DLC1: variants seen among roughly 807,000 people sequenced by gnomAD.
DLC1 encodes the protein DLC1 Rho GTPase activating protein.
Under a neutral mutation model 140.3 loss-of-function variants are expected in DLC1, and 54 were observed. That is an observed-to-expected ratio of 0.38 (90% confidence interval 0.31 to 0.48). DLC1 has a LOEUF of 0.48. Ranked by LOEUF, DLC1 falls within the 20% of genes least tolerant of loss-of-function variation. The pLI is 0.96. For missense variants in DLC1, 2,536 were observed against 1,907.0 expected, an observed-to-expected ratio of 1.33 and a Z score of -6.14; for synonymous variants, 986 against 728.1, an observed-to-expected ratio of 1.35 and a Z score of -5.70.
chr8:13,311,016 C>A (rs1180787185), intron 4 of DLC1, among the ~76,000 whole-genome samples: 1 of 152,078 alleles, frequency 6.6e-6, no homozygotes, highest in Non-Finnish European at 1.5e-5. Flanking sequence ...AAATAATAGA[C>A]ATGCATACAT....
At chr8:13,225,632 T>A (rs1400915335) in intron 5 of DLC1, among the ~76,000 whole-genome samples, 1 of 149,032 alleles carries the variant, frequency 6.7e-6, no homozygotes, top group East Asian at 1.9e-4. Flanking sequence ...TTTTTTTTTT[T>A]TGAGATGGAG....
intron 1 of DLC1, among the ~76,000 whole-genome samples, chr8:13,539,224 G>C (rs1050249022): frequency 2.1e-5 from 3 of 145,852 alleles, no homozygotes; most frequent in African/African-American, 7.9e-5. Flanking sequence ...TTTTGACACA[G>C]AGTCTCGCTC....
intron 2 of DLC1, among the ~76,000 whole-genome samples, chr8:13,468,571 T>C (rs1306291775): frequency 6.6e-6 from 1 of 151,636 alleles, no homozygotes; most frequent in Non-Finnish European, 1.5e-5. Context: ...GATGGGGTAT[T>C]ACTATGTTGC....
At chr8:13,587,694 A>G (rs1227962678) in intron 1 of DLC1, among the ~76,000 whole-genome samples, 1 of 150,542 alleles carries the variant, frequency 6.6e-6, no homozygotes, top group African/African-American at 2.4e-5. Context: ...TTAATCCATA[A>G]GTTCTGTTTA....
At chr8:13,345,110 G>A (rs1834266734) in intron 4 of DLC1, among the ~76,000 whole-genome samples, 1 of 152,120 alleles carries the variant, frequency 6.6e-6, no homozygotes, top group Non-Finnish European at 1.5e-5. Context: ...GACGAGGATT[G>A]TAATACTTTG....
chr8:13,256,871 C>A (rs540027067), intron 5 of DLC1, among the ~76,000 whole-genome samples: 8 of 145,200 alleles, frequency 5.5e-5, no homozygotes, highest in Non-Finnish European at 9.0e-5. Context: ...CACATGTATC[C>A]CAGAACTTAA....
intron 5 of DLC1, among the ~76,000 whole-genome samples, chr8:13,272,033 A>T (rs2117385151): frequency 6.6e-6 from 1 of 152,352 alleles, no homozygotes; most frequent in African/African-American, 2.4e-5. Context: ...AGGTGGAGGC[A>T]TTTAGACTTT....
chr8:13,428,237 G>T (rs927200344), intron 2 of DLC1, among the ~76,000 whole-genome samples: 2 of 152,178 alleles, frequency 1.3e-5, no homozygotes, highest in African/African-American at 4.8e-5. Context: ...GGCAAGAGAC[G>T]CTGTGTGCCC....
At chr8:13,584,847 G>T (rs146410465) in intron 1 of DLC1, among the ~76,000 whole-genome samples, 1 of 151,996 alleles carries the variant, frequency 6.6e-6, no homozygotes, top group Middle Eastern at 3.2e-3. Flanking sequence ...TCTTTCTCCC[G>T]CAATAGGTCT....
chr8:13,156,111 G>A (rs1037928395), intron 5 of DLC1, among the ~76,000 whole-genome samples: 1 of 152,158 alleles, frequency 6.6e-6, no homozygotes, highest in Non-Finnish European at 1.5e-5. Flanking sequence ...CAGCAAAGAT[G>A]TGGCGACAGT....
In DLC1 at chr8:13,499,677, C is replaced by T. The variant is rs377554039; in HGVS notation, c.395G>A (p.Gly132Glu). The change falls in exon 2 of 18, where the codon GGG becomes GAG. Residue 132 changes from glycine (G) to glutamate (E), a missense_variant. Transcript: ENST00000276297. ...CATATGTTGGCCTGATGTTTTCTGCCCTTGGGTATTTAAAACCTGTTTATC... is the reference window on the plus strand; with the variant it reads ...CATATGTTGGCCTGATGTTTTCTGCTCTTGGGTATTTAAAACCTGTTTATC... Reference protein sequence around the residue: ...TDDKQVLNTQGQKTSGQHMIQ... With the variant: ...TDDKQVLNTQEQKTSGQHMIQ... The T allele has an allele frequency of 6.8e-6, 11 of 1,613,888 alleles. No homozygotes were observed. The highest frequency in any genetic ancestry group is 1.3e-5 in the African/African-American group (1 of 74,862).
At chr8:13,570,475 G>C (rs1166095280) in intron 1 of DLC1, among the ~76,000 whole-genome samples, 1 of 122,646 alleles carries the variant, frequency 8.2e-6, no homozygotes, top group Non-Finnish European at 1.6e-5. Flanking sequence ...TCCCCAGAGT[G>C]TGATATTCCC....
intron 2 of DLC1, among the ~76,000 whole-genome samples, chr8:13,487,317 C>T (rs980259743): frequency 6.6e-6 from 1 of 152,104 alleles, no homozygotes; most frequent in Admixed American, 6.5e-5. Flanking sequence ...TAGGTTTGGG[C>T]TATCTACATG....
intron 1 of DLC1, chr8:13,566,821 C>T (rs1804449251): frequency 1.2e-6 from 1 of 844,150 alleles, no homozygotes; most frequent in African/African-American, 1.7e-5. Flanking sequence ...CCAGTCACTG[C>T]GCATGAGCGG....
intron 5 of DLC1, among the ~76,000 whole-genome samples, chr8:13,279,287 A>G (rs1437897693): frequency 6.6e-6 from 1 of 152,198 alleles, no homozygotes; most frequent in Admixed American, 6.5e-5. Context: ...CCAAAGTGTT[A>G]TAAAACAACC....
At chr8:13,123,929 C>A (rs908919139) in intron 5 of DLC1, among the ~76,000 whole-genome samples, 2 of 152,096 alleles carry the variant, frequency 1.3e-5, no homozygotes, top group African/African-American at 4.8e-5. Context: ...ACATGGTACA[C>A]ACATATACAT....
At chr8:13,259,791 G>C (rs1830406448) in intron 5 of DLC1, among the ~76,000 whole-genome samples, 1 of 147,954 alleles carries the variant, frequency 6.8e-6, no homozygotes, top group African/African-American at 2.5e-5. Context: ...AAGTACAACA[G>C]ATGGGTTTTT....
chr8:13,573,377 G>T (rs780897305), intron 1 of DLC1, among the ~76,000 whole-genome samples: 5 of 152,130 alleles, frequency 3.3e-5, no homozygotes, highest in Admixed American at 1.3e-4. Context: ...ATTCTTTAGG[G>T]TTTTCTAGGT....
At chr8:13,174,203 T>C (rs571183713) in intron 5 of DLC1, among the ~76,000 whole-genome samples, 3 of 152,320 alleles carry the variant, frequency 2.0e-5, no homozygotes, top group Admixed American at 1.3e-4. Flanking sequence ...TTTCTTTCTT[T>C]CTTAAGGCTG....
Sources: gnomAD v4.1 joint callset for allele counts (sites outside exome capture counted in the v4.1 genomes callset) on GRCh38, gnomAD v4.1.1 for gene constraint, MANE v1.5 for transcripts, NCBI Gene and HGNC (gene_info 2026-07-23, HGNC 2026-07-21) for gene names.